IGSF10: variants seen among roughly 807,000 people sequenced by gnomAD.
The protein encoded by IGSF10 is calvaria mechanical force protein 608.
A neutral mutation model predicts 128.2 loss-of-function variants in IGSF10; 126 were observed. The observed-to-expected ratio is 0.98, with a 90% CI of 0.85 to 1.14. The LOEUF (loss-of-function observed/expected upper bound fraction) is 1.14. Ranked by LOEUF, IGSF10 falls within the 50% of genes most tolerant of loss-of-function variation. The probability of loss-of-function intolerance (pLI) is 0.00; values close to 1 mark genes in which losing one functional copy is unlikely to be tolerated. For missense variants in IGSF10, 3,295 were observed against 3,149.8 expected (o/e 1.05, Z -1.10); for synonymous variants, 1,185 against 1,146.2 (o/e 1.03, Z -0.68).
chr3:151,566,947 T>A, the IGSF10 span, among the ~76,000 whole-genome samples: 1 of 152,338 alleles, frequency 6.6e-6, no homozygotes, highest in African/African-American at 2.4e-5. Context: ...TTCAAGTTCG[T>A]CTAATGTCAT....
At chr3:151,449,735 A>T (rs1418347668) in intron 5 of IGSF10, among the ~76,000 whole-genome samples, 2 of 152,358 alleles carry the variant, frequency 1.3e-5, no homozygotes, top group East Asian at 1.9e-4. Context: ...CTTGGGTATC[A>T]TTAAAAAACC....
chr3:151,543,141 G>C, the IGSF10 span, among the ~76,000 whole-genome samples: 1 of 152,068 alleles, frequency 6.6e-6, no homozygotes, highest in South Asian at 2.1e-4. Context: ...AATTCTCTCC[G>C]TAGTCAAGGA....
At chr3:151,580,189 GA>G in the IGSF10 span, among the ~76,000 whole-genome samples, 3 of 151,836 alleles carry the variant, frequency 2.0e-5, no homozygotes, top group South Asian at 6.2e-4. Context: ...ACAAAAAATT[GA>G]AAAAAATTAG....
intron 7 of IGSF10, chr3:151,440,693 T>G: frequency 2.3e-6 from 1 of 432,638 alleles, no homozygotes; most frequent in Non-Finnish European, 4.6e-6. Context: ...AAAACACTTG[T>G]GGAGTTTAAA....
Position 151,460,978 on chromosome 3 carries a change from GCCCGGGCTAGGTCCCGGGCTCGGT to G in IGSF10, c.-145_-122del, listed in dbSNP as rs1176367897. ...CCCTGGTGACCAATGGGCTCGAGCT[GCCCGGGCTAGGTCCCGGGCTCGGT>G]CCCGGGCTCAGCTGCTGGGGTCGTG... On this transcript the variant is annotated 5_prime_UTR_variant, in exon 1 of 8. Coordinates refer to ENST00000282466, the MANE Select transcript of IGSF10 (RefSeq NM_178822.5). 3.1e-4 allele frequency: 310 copies of G among 985,236 alleles called. No individual in the cohort carries two copies. Among genetic ancestry groups the G allele is most frequent in the Non-Finnish European group, 3.6e-4 (296 of 829,902 alleles). The allele number at this position is 985,236 out of a possible 1,614,324, so 61.0% of individuals were successfully genotyped here.
the IGSF10 span, among the ~76,000 whole-genome samples, chr3:151,585,412 G>C: frequency 7.9e-5 from 12 of 152,068 alleles, no homozygotes; most frequent in Non-Finnish European, 1.2e-4. Flanking sequence ...CTCAACCAAA[G>C]CTAAAACCTT....
At chr3:151,531,015 C>G in the IGSF10 span, among the ~76,000 whole-genome samples, 1 of 151,434 alleles carries the variant, frequency 6.6e-6, no homozygotes, top group African/African-American at 2.4e-5. Context: ...AAATGGGAAG[C>G]AAAAAAAGGC....
In IGSF10 at chr3:151,448,448, T is replaced by C; in HGVS notation, c.1533A>G (p.Leu511=). 1.2e-6 allele frequency: 2 copies of C among 1,614,228 alleles called. No homozygotes were observed. Among genetic ancestry groups the C allele is most frequent in the South Asian group, 2.2e-5 (2 of 91,084 alleles). ...GGGCTCTCACTTTACTTCCATCAGC[T>C]AGAAGCCAATCCACGTGTGGGGTGG... is the stretch of plus-strand genomic sequence containing the variant. ...GDPTPHVDWL[L]ADGSKVRAPY... Residue 511 remains leucine (L), a synonymous_variant, in exon 6 of 8, where the codon CTA becomes CTG. Coordinates refer to ENST00000282466, the MANE Select transcript of IGSF10 (RefSeq NM_178822.5).
At chr3:151,510,135 C>T in the IGSF10 span, among the ~76,000 whole-genome samples, 1 of 152,346 alleles carries the variant, frequency 6.6e-6, no homozygotes, top group Non-Finnish European at 1.5e-5. Context: ...TAGTGGTTCT[C>T]CCAGCATGCA....
In IGSF10 at chr3:151,446,049, A is replaced by C. The variant is rs374151152; in HGVS notation, c.3932T>G (p.Ile1311Ser). 2.5e-6 allele frequency: 4 copies of C among 1,613,990 alleles called. No homozygotes were observed. The highest frequency in any genetic ancestry group is 2.7e-5 in the African/African-American group (2 of 74,912). Residue 1311 changes from isoleucine to serine, a missense_variant, in exon 6 of 8, where the codon ATC (isoleucine) becomes AGC (serine). Physicochemically the swap from Ile to Ser is moderately radical, Grantham distance 142. Coordinates refer to ENST00000282466, the MANE Select transcript of IGSF10 (RefSeq NM_178822.5). Reference sequence around the variant, plus strand: ...TGGTATTGCTGTTTGCGTTGATATGATGCTTTTTGTACTTGAGTCTTTGCT... The same window carrying C: ...TGGTATTGCTGTTTGCGTTGATATGCTGCTTTTTGTACTTGAGTCTTTGCT... ...IISKDSSTKS[I>S]ISTQTAIPAT...
chr3:151,528,345 T>C, the IGSF10 span, among the ~76,000 whole-genome samples: 1 of 152,054 alleles, frequency 6.6e-6, no homozygotes, highest in Admixed American at 6.5e-5. Context: ...ATATAATTTA[T>C]AAGGTTTTTT....
the IGSF10 span, among the ~76,000 whole-genome samples, chr3:151,537,011 TAA>T: frequency 6.6e-6 from 1 of 152,206 alleles, no homozygotes; most frequent in African/African-American, 2.4e-5. Flanking sequence ...CTACAGAATT[TAA>T]GTTTGTTCTT....
chr3:151,603,699 G>A, the IGSF10 span, among the ~76,000 whole-genome samples: 2 of 152,198 alleles, frequency 1.3e-5, no homozygotes, highest in African/African-American at 4.8e-5. Context: ...AGACCAAGGA[G>A]AGCTGATGGT....
At chr3:151,529,912 C>T in the IGSF10 span, among the ~76,000 whole-genome samples, 6 of 151,850 alleles carry the variant, frequency 4.0e-5, no homozygotes, top group Middle Eastern at 3.4e-3. Context: ...CAAACTCCTC[C>T]GAGTTAAAGG....
chr3:151,618,558 G>A, the IGSF10 span, among the ~76,000 whole-genome samples: 2 of 151,542 alleles, frequency 1.3e-5, no homozygotes, highest in Admixed American at 1.3e-4. Context: ...GTGAAACCCC[G>A]TCTCTACTAA....
chr3:151,455,191 A>G (rs1201832199), intron 4 of IGSF10, among the ~76,000 whole-genome samples: 1 of 14,554 alleles, frequency 6.9e-5, no homozygotes, highest in Non-Finnish European at 1.2e-4. Flanking sequence ...GCTCACTACA[A>G]CCTCCATCTC....
In IGSF10 at chr3:151,445,567, G is replaced by C. The variant is rs769609327; in HGVS notation, c.4414C>G (p.Leu1472Val). ...GGAGGGGAGATGGGAACTGGCATTA[G>C]AGTAGCACTGCTGCTCAAGAATGGT... is the stretch of plus-strand genomic sequence containing the variant. ...IPPFLSSSAT[L>V]MPVPISPPFT... Residue 1472 changes from leucine (L) to valine (V), a missense_variant, in exon 6 of 8, where the codon CTA (leucine) becomes GTA (valine). Physicochemically the swap from Leu to Val is conservative, Grantham distance 32. Transcript: ENST00000282466. 2 of 1,614,188 alleles carry C rather than the reference G, an allele frequency of 1.2e-6. No individual in the cohort carries two copies. The highest frequency in any genetic ancestry group is 1.7e-6 in the Non-Finnish European group (2 of 1,180,014).
At chr3:151,466,263 A>G in the IGSF10 span, among the ~76,000 whole-genome samples, 1 of 151,974 alleles carries the variant, frequency 6.6e-6, no homozygotes, top group Non-Finnish European at 1.5e-5. Context: ...CGCTGAGCCC[A>G]TTGTGCTCAC....
the IGSF10 span, among the ~76,000 whole-genome samples, chr3:151,524,377 C>A: frequency 6.6e-6 from 1 of 152,234 alleles, no homozygotes; most frequent in African/African-American, 2.4e-5. Context: ...TGGAATCAAC[C>A]TAAATGTCCA....
Sources: gnomAD v4.1 joint callset for allele counts (sites outside exome capture counted in the v4.1 genomes callset) on GRCh38, gnomAD v4.1.1 for gene constraint, MANE v1.5 for transcripts, NCBI Gene and HGNC (gene_info 2026-07-23, HGNC 2026-07-21) for gene names.